Variants in MEGF9 observed in about 807,000 individuals in gnomAD.
The protein encoded by MEGF9 is multiple EGF like domains 9, also known as multiple epidermal growth factor-like domains protein 9.
Under a neutral mutation model 46.8 loss-of-function variants are expected in MEGF9, and 6 were observed. The ratio of observed to expected loss-of-function variants is 0.13; its 90% confidence interval spans 0.07 to 0.25. MEGF9 has a LOEUF of 0.25. MEGF9 is among the 10% of genes least tolerant of loss of function. The pLI, the probability that MEGF9 is intolerant of heterozygous loss-of-function variation, is 1.00. For synonymous variants in MEGF9, 302 were observed against 330.7 expected (o/e 0.91, Z 0.94); for missense variants, 683 against 792.4 (o/e 0.86, Z 1.66).
intron 2 of MEGF9, among the ~76,000 whole-genome samples, chr9:120,656,411 G>A (rs1238333819): frequency 1.3e-5 from 2 of 152,070 alleles, no homozygotes; most frequent in African/African-American, 2.4e-5. Flanking sequence ...GCCAGGCGTG[G>A]TGGCGGGTGC....
chr9:120,622,039 C>G (rs182227215), intron 3 of MEGF9, among the ~76,000 whole-genome samples: 1 of 152,300 alleles, frequency 6.6e-6, no homozygotes, highest in East Asian at 1.9e-4. Context: ...AATGTCATAG[C>G]AGGCCCTCTC....
intron 1 of MEGF9, chr9:120,689,942 TG>T (rs781774594): frequency 1.9e-6 from 1 of 532,458 alleles, no homozygotes; most frequent in South Asian, 1.4e-5. Flanking sequence ...TAACAGCTTC[TG>T]AGACTCTAAG....
intron 2 of MEGF9, among the ~76,000 whole-genome samples, chr9:120,648,395 C>A (rs896354789): frequency 1.3e-5 from 2 of 151,880 alleles, no homozygotes; most frequent in African/African-American, 4.8e-5. Context: ...TACTTCCTTT[C>A]AACCCTTCTT....
At chr9:120,707,744 C>CA (rs1401788829) in intron 1 of MEGF9, among the ~76,000 whole-genome samples, 1 of 152,090 alleles carries the variant, frequency 6.6e-6, no homozygotes, top group Non-Finnish European at 1.5e-5. Flanking sequence ...ATGTTCTTTT[C>CA]AAATATAATC....
intron 1 of MEGF9, among the ~76,000 whole-genome samples, chr9:120,685,263 A>G (rs1311458116): frequency 6.6e-6 from 1 of 152,224 alleles, no homozygotes; most frequent in Non-Finnish European, 1.5e-5. Context: ...GCTCATCACA[A>G]TGTTTACATC....
intron 1 of MEGF9, among the ~76,000 whole-genome samples, chr9:120,665,554 A>G (rs1456203646): frequency 6.6e-6 from 1 of 152,070 alleles, no homozygotes; most frequent in Non-Finnish European, 1.5e-5. Context: ...TCTCCCACAT[A>G]TGAGTAAGAA....
chr9:120,663,659 T>C (rs148586420), intron 1 of MEGF9, among the ~76,000 whole-genome samples: 1,619 of 152,274 alleles, frequency 0.011, 31 homozygotes, highest in African/African-American at 0.034. Context: ...TGAAACAATA[T>C]GAAGAGGACA....
chr9:120,714,304 C>A lies in MEGF9; in HGVS notation c.55G>T (p.Ala19Ser), dbSNP rs1215633208. Residue 19 changes from alanine (A) to serine (S), a missense_variant, in exon 1 of 6, where the codon GCC becomes TCC. This residue lies in a region of MEGF9 where 370 missense variants were observed against 371.3 expected (regional missense o/e 1.00). Transcript: ENST00000373930. The stretch of plus-strand genomic sequence containing the variant: ...GCGGCGGCGGCGCAGCACAACAGGG[C>A]GAGGCCGCCCAGGCTCGGCAGGCTC... ...MRSLPSLGGL[A>S]LLCCAAAAAA... The A allele has an allele frequency of 7.5e-7, 1 of 1,336,728 alleles. No individual in the cohort carries two copies. The highest frequency in any genetic ancestry group is 3.4e-5 in the Admixed American group (1 of 29,126). 82.8% of individuals were successfully genotyped at this position (1,336,728 alleles called of 1,614,324 possible).
intron 2 of MEGF9, among the ~76,000 whole-genome samples, chr9:120,636,688 T>C (rs939804372): frequency 2.0e-5 from 3 of 152,092 alleles, no homozygotes; most frequent in Admixed American, 6.5e-5. Context: ...AATACAAGCA[T>C]AAAAATGGTG....
intron 1 of MEGF9, among the ~76,000 whole-genome samples, chr9:120,709,672 A>G (rs1182676245): frequency 2.6e-5 from 4 of 152,192 alleles, no homozygotes; most frequent in Admixed American, 2.6e-4. Flanking sequence ...GCCTATGGAA[A>G]TATTTCTTCA....
At chr9:120,695,518 C>T (rs1017419967) in intron 1 of MEGF9, among the ~76,000 whole-genome samples, 3 of 142,690 alleles carry the variant, frequency 2.1e-5, no homozygotes, top group Non-Finnish European at 4.5e-5. Flanking sequence ...GCAGGAGAAT[C>T]GCTTGAATCT....
At chr9:120,634,523 T>G (rs4837788) in intron 2 of MEGF9, among the ~76,000 whole-genome samples, 1 of 137,216 alleles carries the variant, frequency 7.3e-6, no homozygotes, top group Middle Eastern at 3.6e-3. Context: ...GGCGCAATCT[T>G]GGCTCACTGC....
chr9:120,685,913 GC>G (rs1364617483), intron 1 of MEGF9, among the ~76,000 whole-genome samples: 1 of 152,094 alleles, frequency 6.6e-6, no homozygotes, highest in Non-Finnish European at 1.5e-5. Flanking sequence ...CCTGTCACAT[GC>G]TACAACATGG....
intron 3 of MEGF9, among the ~76,000 whole-genome samples, chr9:120,621,838 G>A (rs2043500644): frequency 1.3e-5 from 2 of 152,118 alleles, no homozygotes; most frequent in South Asian, 4.1e-4. Flanking sequence ...CGGCTTGAGG[G>A]TGGACTGTAA....
chr9:120,647,919 C>T (rs1247757146), intron 2 of MEGF9, among the ~76,000 whole-genome samples: 2 of 144,748 alleles, frequency 1.4e-5, no homozygotes, highest in African/African-American at 5.8e-5. Context: ...GGAGTCATCT[C>T]TCTTTCTCTT....
chr9:120,704,622 C>CAAA (rs2043920265), intron 1 of MEGF9, among the ~76,000 whole-genome samples: 1 of 152,160 alleles, frequency 6.6e-6, no homozygotes, highest in South Asian at 2.1e-4. Context: ...TGAAACCCAA[C>CAAA]AAAACCTATA....
At chr9:120,609,389 A>T (rs1335981577) in intron 4 of MEGF9, among the ~76,000 whole-genome samples, 1 of 152,166 alleles carries the variant, frequency 6.6e-6, no homozygotes, top group Non-Finnish European at 1.5e-5. Context: ...GTTTTCCTTG[A>T]TTCCCTCAGT....
rs747610080 is a variant in MEGF9, at chr9:120,622,698, T to C, written c.861A>G (p.Gln287=). 1.2e-6 allele frequency: 2 copies of C among 1,613,880 alleles called. No homozygotes were observed. Among genetic ancestry groups the C allele is most frequent in the Non-Finnish European group, 1.7e-6 (2 of 1,179,832 alleles). ...GVIGSICDRC[Q]DGYYGFSKNG... ...TCTTACTAAAGCCATAATATCCATC[T>C]TGGCATCGGTCACATATAGAGCCAA... Residue 287 remains glutamine (Q), a synonymous_variant, in exon 3 of 6, where the codon CAA becomes CAG. Coordinates refer to ENST00000373930, the MANE Select transcript of MEGF9 (RefSeq NM_001080497.3).
chr9:120,611,496 G>C (rs953486115), intron 4 of MEGF9, among the ~76,000 whole-genome samples: 2 of 152,066 alleles, frequency 1.3e-5, no homozygotes, highest in African/African-American at 4.8e-5. Flanking sequence ...GACACACAAG[G>C]CCATGTATTG....
Sources: gnomAD v4.1 joint callset for allele counts (sites outside exome capture counted in the v4.1 genomes callset) on GRCh38, gnomAD v4.1.1 for gene constraint, gnomAD v4.1.1 regional missense constraint, MANE v1.5 for transcripts, NCBI Gene and HGNC (gene_info 2026-07-23, HGNC 2026-07-21) for gene names.